The following RHOBTB1 variants were observed in gnomAD, a reference collection of about 807,000 sequenced individuals.
RHOBTB1 encodes Rho related BTB domain containing 1, also known as rho-related BTB domain-containing protein 1.
Under a neutral mutation model 71.6 loss-of-function variants are expected in RHOBTB1, and 40 were observed. The ratio of observed to expected loss-of-function variants is 0.56; its 90% CI spans 0.43 to 0.73. The LOEUF is 0.73. Among genes scored for constraint, RHOBTB1 ranks in the 30% least tolerant of loss-of-function variants. The probability of loss-of-function intolerance (pLI) is 0.00; values close to 1 mark genes in which losing one functional copy is unlikely to be tolerated. For missense variants in RHOBTB1, 797 were observed against 894.0 expected, an observed-to-expected ratio of 0.89 and a Z score of 1.38; for synonymous variants, 319 against 334.9, an observed-to-expected ratio of 0.95 and a Z score of 0.52.
At chr10:60,987,321 G>C (rs1303111021) in intron 1 of RHOBTB1, among the ~76,000 whole-genome samples, 6 of 152,030 alleles carry the variant, frequency 3.9e-5, no homozygotes, top group Admixed American at 3.9e-4. Context: ...TTCATATCTA[G>C]AGCTTAAATT....
At chr10:60,923,436 T>C (rs913727589) in intron 2 of RHOBTB1, among the ~76,000 whole-genome samples, 1 of 152,176 alleles carries the variant, frequency 6.6e-6, no homozygotes, top group African/African-American at 2.4e-5. Flanking sequence ...TTGAAAGCCG[T>C]GCTGGCAACA....
chr10:60,889,111 T>C lies in RHOBTB1; in HGVS notation c.557A>G (p.Tyr186Cys). The C allele has an allele frequency of 1.2e-6, 2 of 1,614,190 alleles. No homozygotes were observed. The highest frequency in any genetic ancestry group is 1.7e-6 in the Non-Finnish European group (2 of 1,180,014). ...AAACTGGTCAAACACGCTTGTTTCA[T>C]AGTATGGTAAGCCAAGTTCCTTTGC... ...EVAKELGLPY[Y>C]ETSVFDQFGI... The change falls in exon 6 of 11, where the codon TAT becomes TGT. Residue 186 changes from tyrosine to cysteine, a missense_variant. By Grantham distance (194) the Tyr-to-Cys change is radical. This residue lies in a region of RHOBTB1 where 658 missense variants were observed against 681.5 expected (regional missense o/e 0.97). Coordinates refer to ENST00000337910, the MANE Select transcript of RHOBTB1 (RefSeq NM_014836.5).
Position 60,884,663 on chromosome 10 carries a change from G to A in RHOBTB1, c.1575+1449C>T, listed in dbSNP as rs190135658. 1.5e-3 allele frequency among the ~76,000 whole-genome samples: 229 copies of A among 152,180 alleles called. 4 individuals are homozygous for A. The highest frequency in any genetic ancestry group is 5.1e-3 in the African/African-American group (212 of 41,524). Reference sequence around the variant, plus strand: ...GGATACTATATAGCCCTAAAAAAGAGGAAAATTCTGTCATTCAAGACAACA... The same window carrying A: ...GGATACTATATAGCCCTAAAAAAGAAGAAAATTCTGTCATTCAAGACAACA... On this transcript the variant is annotated intron_variant, in intron 7 of 10. Coordinates refer to ENST00000337910, the MANE Select transcript of RHOBTB1 (RefSeq NM_014836.5).
At chr10:60,893,627 T>A (rs7078521) in intron 4 of RHOBTB1, among the ~76,000 whole-genome samples, 5,615 of 152,244 alleles carry the variant, frequency 0.037, 180 homozygotes, top group East Asian at 0.1. Flanking sequence ...ATTTAACATA[T>A]AACTAGGCGA....
At chr10:60,895,763 TA>T (rs977678474) in intron 4 of RHOBTB1, among the ~76,000 whole-genome samples, 5 of 152,260 alleles carry the variant, frequency 3.3e-5, no homozygotes, top group Admixed American at 6.5e-5. Context: ...CTTGTTGATC[TA>T]AATACAAATG....
chr10:60,949,664 CTTT>C (rs147906688), intron 2 of RHOBTB1, among the ~76,000 whole-genome samples: 55,207 of 108,814 alleles, frequency 0.51, 12,841 homozygotes, highest in East Asian at 0.63. Context: ...CCAGGTGAAG[CTTT>C]TTTTTTTTTT....
chr10:60,900,812 T>C (rs1367459248), intron 4 of RHOBTB1, among the ~76,000 whole-genome samples: 1 of 152,202 alleles, frequency 6.6e-6, no homozygotes, highest in Non-Finnish European at 1.5e-5. Context: ...CTGTTAATGC[T>C]GAAAGACTGC....
Position 60,888,488 on chromosome 10 carries a change from T to C in RHOBTB1, c.1180A>G (p.Met394Val), listed in dbSNP as rs2132634464. The C allele has an allele frequency of 6.2e-7, 1 of 1,614,156 alleles. No individual in the cohort carries two copies. Among genetic ancestry groups the C allele is most frequent in the Non-Finnish European group, 8.5e-7 (1 of 1,180,018 alleles). The change falls in exon 6 of 11, where the codon ATG becomes GTG. Residue 394 changes from methionine (M) to valine (V), a missense_variant. Met to Val is a conservative substitution (Grantham distance 21). Transcript: ENST00000337910. ...ATCCTGACCACAGTCATGGGCCCCA[T>C]CCGCTTTGAAATGGGGTTGACTTGC... is the stretch of plus-strand genomic sequence containing the variant. Reference protein sequence around the residue: ...EMQVNPISKRMGPMTVVRMDA... With the variant: ...EMQVNPISKRVGPMTVVRMDA...
chr10:60,897,567 G>C (rs1387236132), intron 4 of RHOBTB1, among the ~76,000 whole-genome samples: 1 of 152,140 alleles, frequency 6.6e-6, no homozygotes, highest in East Asian at 1.9e-4. Flanking sequence ...CAATGAGAAG[G>C]ACAGTGGACT....
Position 60,888,886 on chromosome 10 carries a change from T to C in RHOBTB1, c.782A>G (p.Asp261Gly), listed in dbSNP as rs1296470218. ...MGTNEAACLL[D>G]NPLCADVLFI... ...CAGAACATCGGCACATAGAGGATTG[T>C]CCAGTAAACAGGCAGCTTCATTTGT... Residue 261 changes from aspartate (D) to glycine (G), a missense_variant, in exon 6 of 11, where the codon GAC becomes GGC. By Grantham distance (94) the Asp-to-Gly change is moderately conservative (BLOSUM62 -1). Around this residue, in one of 2 missense-constraint regions of RHOBTB1, gnomAD observed 658 missense variants for 681.5 expected, o/e 0.97. Transcript: ENST00000337910. 6.2e-7 allele frequency: 1 copy of C among 1,614,226 alleles called. No individual in the cohort carries two copies. Among genetic ancestry groups the C allele is most frequent in the Non-Finnish European group, 8.5e-7 (1 of 1,180,024 alleles).
chr10:60,911,262 T>C, intron 3 of RHOBTB1, 89 bp downstream of exon 3: 1 of 1,294,766 alleles, frequency 7.7e-7, no homozygotes, highest in Non-Finnish European at 1.1e-6. Context: ...GAATGTGTAA[T>C]TTATCCACGC....
intron 2 of RHOBTB1, among the ~76,000 whole-genome samples, chr10:60,918,162 C>G (rs898181518): frequency 6.6e-6 from 1 of 152,168 alleles, no homozygotes; most frequent in Non-Finnish European, 1.5e-5. Context: ...ATACAACACC[C>G]CTTTTCTGCA....
chr10:60,880,111 T>TG (rs2081248710), intron 7 of RHOBTB1, among the ~76,000 whole-genome samples: 1 of 151,632 alleles, frequency 6.6e-6, no homozygotes, highest in African/African-American at 2.4e-5. Flanking sequence ...TGAGCACTCA[T>TG]GGATTTGGCT....
At chr10:60,978,669 G>A (rs1023320411) in intron 2 of RHOBTB1, among the ~76,000 whole-genome samples, 5 of 152,126 alleles carry the variant, frequency 3.3e-5, no homozygotes, top group Admixed American at 6.5e-5. Flanking sequence ...TTCTCAGCTC[G>A]CATCCAGAAA....
chr10:60,925,849 A>T (rs181745863), intron 2 of RHOBTB1, among the ~76,000 whole-genome samples: 61 of 152,354 alleles, frequency 4.0e-4, no homozygotes, highest in African/African-American at 1.4e-3. Context: ...GCCTACAAAG[A>T]TAGAGCCATG....
chr10:60,912,169 C>G (rs951358053), intron 2 of RHOBTB1, among the ~76,000 whole-genome samples: 1 of 151,874 alleles, frequency 6.6e-6, no homozygotes, highest in East Asian at 1.9e-4. Flanking sequence ...TTGTATTAAT[C>G]AAATTCATAA....
chr10:60,909,016 G>A (rs544571303), intron 4 of RHOBTB1, among the ~76,000 whole-genome samples: 4 of 152,318 alleles, frequency 2.6e-5, no homozygotes, highest in African/African-American at 9.6e-5. Flanking sequence ...TTACAGACAA[G>A]GGAGCAGAAC....
chr10:60,912,526 C>G (rs2083046775), intron 2 of RHOBTB1, among the ~76,000 whole-genome samples: 1 of 152,124 alleles, frequency 6.6e-6, no homozygotes, highest in Non-Finnish European at 1.5e-5. Flanking sequence ...AGCCACCATG[C>G]CTAGCCTTAA....
chr10:60,888,170 A>G (rs2081685389), intron 6 of RHOBTB1, 42 bp downstream of exon 6: 1 of 1,566,716 alleles, frequency 6.4e-7, no homozygotes, highest in Non-Finnish European at 8.6e-7. Context: ...TCAATGAAAC[A>G]CAATCAAAGG....
Sources: gnomAD v4.1 joint callset for allele counts (sites outside exome capture counted in the v4.1 genomes callset) on GRCh38, gnomAD v4.1.1 for gene constraint, gnomAD v4.1.1 regional missense constraint, MANE v1.5 for transcripts, NCBI Gene and HGNC (gene_info 2026-07-23, HGNC 2026-07-21) for gene names.